Variants in COL23A1 observed in about 807,000 individuals in gnomAD.
COL23A1 encodes the protein collagen alpha-1(XXIII) chain.
Under a neutral mutation model 99.3 loss-of-function variants are expected in COL23A1, and 97 were observed. That is an observed-to-expected ratio of 0.98 (90% CI 0.83 to 1.16). The LOEUF (loss-of-function observed/expected upper bound fraction) is 1.16, where lower values mean the gene tolerates loss of function less well. Ranked by LOEUF, COL23A1 falls within the 50% of genes most tolerant of loss-of-function variation. The pLI is 0.00. For missense variants in COL23A1, 762 were observed against 757.4 expected (o/e 1.01, Z -0.07); for synonymous variants, 320 against 308.2 (o/e 1.04, Z -0.40).
In COL23A1 at chr5:178,361,323, T is replaced by C. The variant is rs189356891; in HGVS notation, c.362-54404A>G. 6.5e-3 allele frequency among the ~76,000 whole-genome samples: 983 copies of C among 152,234 alleles called. 4 individuals are homozygous for C. The highest frequency in any genetic ancestry group is 1.0e-2 in the Non-Finnish European group (679 of 68,020). ...CGATCTCTTGAGTCAGCTGGAAGGA[T>C]TGGGAGAGATCTGAAGGCTTTTCTC... is the stretch of plus-strand genomic sequence containing the variant. On this transcript the variant is annotated intron_variant, in intron 2 of 28. Transcript: ENST00000390654.
intron 2 of COL23A1, among the ~76,000 whole-genome samples, chr5:178,479,328 C>T (rs1757202541): frequency 1.3e-5 from 2 of 152,152 alleles, no homozygotes; most frequent in South Asian, 4.1e-4. Flanking sequence ...GCTCTCACTC[C>T]CACGCCTGTG....
At chr5:178,420,413 G>C in intron 2 of COL23A1, among the ~76,000 whole-genome samples, 1 of 49,570 alleles carries the variant, frequency 2.0e-5, no homozygotes, top group Non-Finnish European at 3.1e-5. Flanking sequence ...CCTGAGATGT[G>C]ACCTCCCTTC....
At chr5:178,495,993 G>A (rs987859592) in intron 2 of COL23A1, among the ~76,000 whole-genome samples, 1 of 152,138 alleles carries the variant, frequency 6.6e-6, no homozygotes, top group Non-Finnish European at 1.5e-5. Flanking sequence ...AGAGAGATAC[G>A]AACCAGGCAG....
chr5:178,542,294 G>A (rs961568396), intron 2 of COL23A1, among the ~76,000 whole-genome samples: 3 of 152,152 alleles, frequency 2.0e-5, no homozygotes, highest in African/African-American at 7.2e-5. Flanking sequence ...GCCTCCCAAA[G>A]TGCTGGGATT....
intron 2 of COL23A1, among the ~76,000 whole-genome samples, chr5:178,440,342 T>C (rs953130004): frequency 1.3e-5 from 2 of 152,012 alleles, no homozygotes; most frequent in Non-Finnish European, 2.9e-5. Flanking sequence ...GGAATTCACC[T>C]CATAACCACC....
At chr5:178,364,406 A>AGCTGAGGGTGG (rs1762346258) in intron 2 of COL23A1, among the ~76,000 whole-genome samples, 1 of 148,722 alleles carries the variant, frequency 6.7e-6, no homozygotes, top group East Asian at 2.1e-4. Context: ...GCTGAGGGTG[A>AGCTGAGGGTGG]AGCAGGCCCA....
At chr5:178,317,373 T>A (rs1759036645) in intron 2 of COL23A1, among the ~76,000 whole-genome samples, 1 of 152,226 alleles carries the variant, frequency 6.6e-6, no homozygotes, top group Admixed American at 6.5e-5. Context: ...GGCAAGGGCA[T>A]TAGAATTCCC....
rs1357509408 is a variant in COL23A1, at chr5:178,434,259, G to T, written c.361+126423C>A. On this transcript the variant is annotated intron_variant, in intron 2 of 28. Transcript: ENST00000390654. The surrounding 1 kb of genome is among the most constrained non-coding windows in gnomAD (Gnocchi z 4.3). ...AGGTCACACTGTGGGTCAGTGGCAGGCTGGGCTTTTCTGCTGGCCTCTGCA... is the reference window on the plus strand; with the variant it reads ...AGGTCACACTGTGGGTCAGTGGCAGTCTGGGCTTTTCTGCTGGCCTCTGCA... Among the ~76,000 whole-genome samples the T allele has an allele frequency of 6.6e-6, 1 of 152,224 alleles. No individual in the cohort carries two copies.
chr5:178,478,675 G>A (rs1757162209), intron 2 of COL23A1, among the ~76,000 whole-genome samples: 1 of 152,092 alleles, frequency 6.6e-6, no homozygotes, highest in African/African-American at 2.4e-5. Flanking sequence ...TCAAGTTAAT[G>A]TTTTCAATTA....
intron 2 of COL23A1, among the ~76,000 whole-genome samples, chr5:178,493,889 C>T (rs1245464961): frequency 1.3e-5 from 2 of 152,224 alleles, no homozygotes; most frequent in Admixed American, 6.5e-5. Context: ...TGCATGCAAT[C>T]GTGACAGGCC....
At chr5:178,311,791 C>T (rs999259174) in intron 2 of COL23A1, among the ~76,000 whole-genome samples, 12 of 144,886 alleles carry the variant, frequency 8.3e-5, no homozygotes, top group South Asian at 2.2e-4. Context: ...AGTGCAGTGG[C>T]GTGATCTCGG....
At chr5:178,511,801 A>G (rs1258494000) in intron 2 of COL23A1, among the ~76,000 whole-genome samples, 2 of 152,178 alleles carry the variant, frequency 1.3e-5, no homozygotes, top group Non-Finnish European at 2.9e-5. Context: ...TTTCCCCACA[A>G]GTTAAATGAG....
intron 2 of COL23A1, among the ~76,000 whole-genome samples, chr5:178,527,711 C>A (rs1760390060): frequency 6.6e-6 from 1 of 152,204 alleles, no homozygotes; most frequent in African/African-American, 2.4e-5. Context: ...CTCCCGGGGA[C>A]CCCACTGCCT....
intron 2 of COL23A1, among the ~76,000 whole-genome samples, chr5:178,466,498 T>C (rs2647701): frequency 0.93 from 141,840 of 152,270 alleles, 66,165 homozygotes; most frequent in East Asian, 1. Flanking sequence ...GGTCTGCGCA[T>C]CCCTGGCCTT....
intron 7 of COL23A1, 100 bp downstream of exon 7, chr5:178,268,630 T>A: frequency 8.3e-7 from 1 of 1,212,016 alleles, no homozygotes; most frequent in East Asian, 2.5e-5. Context: ...TAGGAGGGGC[T>A]GTGATGTGCT....
chr5:178,276,311 C>G (rs932362574), intron 5 of COL23A1, among the ~76,000 whole-genome samples: 1 of 152,302 alleles, frequency 6.6e-6, no homozygotes, highest in South Asian at 2.1e-4. Flanking sequence ...CAGGAGTAAA[C>G]GCTCAAATCG....
At chr5:178,243,401 C>T (rs1026872922) in intron 25 of COL23A1, among the ~76,000 whole-genome samples, 14 of 146,648 alleles carry the variant, frequency 9.5e-5, no homozygotes, top group African/African-American at 3.3e-4. Context: ...GCAGGAGAAT[C>T]GCTTGAACCC....
At chr5:178,317,364 G>A (rs1759036320) in intron 2 of COL23A1, among the ~76,000 whole-genome samples, 1 of 152,180 alleles carries the variant, frequency 6.6e-6, no homozygotes, top group Admixed American at 6.5e-5. Flanking sequence ...TGTTAACCAG[G>A]CAAGGGCATT....
At chr5:178,463,931 C>T (rs958565169) in intron 2 of COL23A1, among the ~76,000 whole-genome samples, 1 of 151,822 alleles carries the variant, frequency 6.6e-6, no homozygotes, top group African/African-American at 2.4e-5. Context: ...GGCTGCAGAA[C>T]GAACCTCTTG....
Sources: gnomAD v4.1 joint callset for allele counts (sites outside exome capture counted in the v4.1 genomes callset) on GRCh38, gnomAD v4.1.1 for gene constraint, Gnocchi (gnomAD v3.1) non-coding constraint, MANE v1.5 for transcripts, NCBI Gene and HGNC (gene_info 2026-07-23, HGNC 2026-07-21) for gene names.